Variants in LPP observed in about 807,000 individuals in gnomAD.
LPP encodes LIM domain containing preferred translocation partner in lipoma.
LPP carries 38 observed loss-of-function variants against 60.4 expected under a neutral mutation model. The ratio of observed to expected loss-of-function variants is 0.63; its 90% CI spans 0.49 to 0.83. The LOEUF is 0.83. LPP is among the 40% of genes least tolerant of loss of function. The pLI is 0.00. For synonymous variants in LPP, 328 were observed against 290.8 expected, an observed-to-expected ratio of 1.13 and a Z score of -1.30; for missense variants, 902 against 783.6, an observed-to-expected ratio of 1.15 and a Z score of -1.80.
chr3:188,240,438 G>C (rs550780324), intron 2 of LPP, among the ~76,000 whole-genome samples: 2 of 151,856 alleles, frequency 1.3e-5, no homozygotes, highest in South Asian at 2.1e-4. Context: ...AGGTCAGATT[G>C]TTTGACAGTA....
intron 5 of LPP, among the ~76,000 whole-genome samples, chr3:188,519,666 C>CG (rs1426513284): frequency 2.0e-5 from 3 of 151,768 alleles, no homozygotes; most frequent in East Asian, 3.9e-4. Context: ...TGGGGGATGT[C>CG]GGGGGGTGGT....
chr3:188,876,395 T>A lies in LPP; in HGVS notation c.*1916T>A, dbSNP rs1769259344. On this transcript the variant is annotated 3_prime_UTR_variant, in exon 12 of 12. Coordinates refer to ENST00000617246, the MANE Select transcript of LPP (RefSeq NM_001375462.1). ...ACCAAAATTATAGCTTTTAAGAGCT[T>A]CCTTTGACCACTGTCTTTTTCTTAC... 1 of 192,868 alleles carries A rather than the reference T, an allele frequency of 5.2e-6. No individual in the cohort carries two copies. Among genetic ancestry groups the A allele is most frequent in the South Asian group, 1.9e-4 (1 of 5,184 alleles). 11.9% of individuals were successfully genotyped at this position (192,868 alleles called of 1,614,324 possible).
chr3:188,448,400 T>TGAGATATCTA lies in LPP; in HGVS notation c.194-36192_194-36191insGAGATATCTA, dbSNP rs1795795102. ...TCTATCTATATTGAGATATCTATAT[T>TGAGATATCTA]TAGATAAAGATATCTATATTTAGAT... On this transcript the variant is annotated intron_variant, in intron 4 of 11. Coordinates refer to ENST00000617246, the MANE Select transcript of LPP (RefSeq NM_001375462.1). Among the ~76,000 whole-genome samples the TGAGATATCTA allele has an allele frequency of 5.3e-5, 3 of 57,132 alleles. No individual in the cohort carries two copies. In the Admixed American group the frequency reaches 5.6e-4, roughly 11 times the overall value. 37.5% of individuals were successfully genotyped at this position (57,132 alleles called of 152,430 possible).
intron 9 of LPP, among the ~76,000 whole-genome samples, chr3:188,798,567 C>G (rs923841062): frequency 3.4e-4 from 52 of 152,168 alleles, no homozygotes; most frequent in African/African-American, 1.2e-3. Context: ...CTGTGTTCAT[C>G]CTGGTGGCTC....
At chr3:188,535,531 G>T (rs913534140) in intron 6 of LPP, among the ~76,000 whole-genome samples, 2 of 152,160 alleles carry the variant, frequency 1.3e-5, no homozygotes, top group African/African-American at 2.4e-5. Context: ...TATAGAGTTA[G>T]CACATGACAA....
chr3:188,178,137 G>A (rs1342798281), intron 1 of LPP, among the ~76,000 whole-genome samples: 1 of 152,162 alleles, frequency 6.6e-6, no homozygotes, highest in Non-Finnish European at 1.5e-5. Context: ...GGAGTTTCTA[G>A]GTTCTCTGTC....
At chr3:188,395,620 T>A (rs935433843) in intron 3 of LPP, among the ~76,000 whole-genome samples, 2 of 152,140 alleles carry the variant, frequency 1.3e-5, no homozygotes, top group Non-Finnish European at 2.9e-5. Context: ...AACAATAAAA[T>A]ATTAATTCAA....
intron 9 of LPP, among the ~76,000 whole-genome samples, chr3:188,762,389 T>C (rs953658618): frequency 4.6e-5 from 7 of 152,238 alleles, no homozygotes; most frequent in Admixed American, 1.3e-4. Flanking sequence ...TTAACTTTAA[T>C]GATGTTTCTG....
At chr3:188,545,848 C>T (rs912869502) in intron 6 of LPP, among the ~76,000 whole-genome samples, 1 of 152,054 alleles carries the variant, frequency 6.6e-6, no homozygotes, top group African/African-American at 2.4e-5. Flanking sequence ...CACCTGGGCT[C>T]AAAGACAGGG....
intron 8 of LPP, among the ~76,000 whole-genome samples, chr3:188,741,229 A>C (rs1191731576): frequency 6.6e-6 from 1 of 151,466 alleles, no homozygotes. Flanking sequence ...CGAGGTTCAA[A>C]GTTTCCTTTG....
chr3:188,594,272 G>C (rs1839548941), intron 6 of LPP, among the ~76,000 whole-genome samples: 1 of 152,152 alleles, frequency 6.6e-6, no homozygotes, highest in African/African-American at 2.4e-5. Flanking sequence ...TCTTGAAGGG[G>C]AAGGAACTGA....
Position 188,369,270 on chromosome 3 carries a change from G to A in LPP, c.-10+27551G>A, listed in dbSNP as rs113250040. On this transcript the variant is annotated intron_variant, in intron 3 of 11. Coordinates refer to ENST00000617246, the MANE Select transcript of LPP (RefSeq NM_001375462.1). ...TTTCTTGTTTTAGGCAGAAGCATTT[G>A]ATAGGTTGGGGATCACAGGAAAGTT... Among the ~76,000 whole-genome samples the A allele has an allele frequency of 2.0e-3, 299 of 152,010 alleles. 2 individuals carry two copies. The highest frequency in any genetic ancestry group is 6.9e-3 in the African/African-American group (288 of 41,472).
intron 8 of LPP, among the ~76,000 whole-genome samples, chr3:188,749,297 C>A (rs886272256): frequency 1.1e-4 from 17 of 152,168 alleles, no homozygotes; most frequent in African/African-American, 3.9e-4. Flanking sequence ...AGCCCAAAGG[C>A]TCTCAGGTCT....
chr3:188,407,411 A>G (rs1039530206), intron 4 of LPP, among the ~76,000 whole-genome samples: 3 of 152,210 alleles, frequency 2.0e-5, no homozygotes, highest in Non-Finnish European at 4.4e-5. Flanking sequence ...AGCTTGTGTA[A>G]GGTGAACACC....
intron 3 of LPP, among the ~76,000 whole-genome samples, chr3:188,373,581 G>A (rs1773962253): frequency 6.6e-6 from 1 of 151,740 alleles, no homozygotes; most frequent in African/African-American, 2.4e-5. Flanking sequence ...AAATTTGTTT[G>A]AGTTCATTGT....
chr3:188,624,554 C>A (rs1846397841), intron 7 of LPP, among the ~76,000 whole-genome samples: 1 of 152,144 alleles, frequency 6.6e-6, no homozygotes, highest in Non-Finnish European at 1.5e-5. Context: ...TTTGGGAGAA[C>A]CATGGAAGTG....
intron 2 of LPP, among the ~76,000 whole-genome samples, chr3:188,302,124 A>C (rs1750088511): frequency 6.6e-6 from 1 of 152,140 alleles, no homozygotes. Flanking sequence ...CCTTTACTGA[A>C]AACCATTTTT....
chr3:188,767,490 G>A (rs1457349530), intron 9 of LPP, among the ~76,000 whole-genome samples: 2 of 152,058 alleles, frequency 1.3e-5, no homozygotes, highest in African/African-American at 4.8e-5. Context: ...TCATAAAAAG[G>A]AGTTAAATAA....
chr3:188,276,894 C>CTTTTTTTTTT (rs1203656488), intron 2 of LPP, among the ~76,000 whole-genome samples: 50 of 38,180 alleles, frequency 1.3e-3, no homozygotes, highest in East Asian at 2.4e-3. Flanking sequence ...CTTTTCTTTT[C>CTTTTTTTTTT]TTTTTTTTTT....
Sources: allele counts gnomAD v4.1 joint callset (sites outside exome capture counted in the v4.1 genomes callset), GRCh38; gene constraint gnomAD v4.1.1; transcripts MANE v1.5; gene names NCBI Gene and HGNC (gene_info 2026-07-23, HGNC 2026-07-21).